Variants in ADAM28 observed in about 807,000 individuals in gnomAD.
ADAM28 encodes disintegrin and metalloproteinase domain-containing protein 28.
A neutral mutation model predicts 101.2 loss-of-function variants in ADAM28; 105 were observed. That is an observed-to-expected ratio of 1.04 (90% CI 0.89 to 1.22). The LOEUF (loss-of-function observed/expected upper bound fraction) is 1.22. Among genes scored for constraint, ADAM28 ranks in the 50% most tolerant of loss-of-function variants. The pLI, the probability that ADAM28 is intolerant of heterozygous loss-of-function variation, is 0.00. For missense variants in ADAM28, 1,028 were observed against 945.4 expected (o/e 1.09, Z -1.15); for synonymous variants, 322 against 310.6 (o/e 1.04, Z -0.39).
rs774812161 is a variant in ADAM28, at chr8:24,326,609, TCTC to T, written c.949_951del (p.Pro317del). ...TCTTGCATTTATGTCTACAATGTGT[TCTC>T]CTTATTCTGTTGGCGTTGTTCAGGT... On this transcript the variant is annotated inframe_deletion, in exon 10 of 23. Transcript: ENST00000265769. The T allele has an allele frequency of 1.8e-5, 29 of 1,612,148 alleles. 3 individuals carry two copies. The South Asian group carries it at 2.7e-4, about 15-fold the overall frequency.
intron 13 of ADAM28, among the ~76,000 whole-genome samples, chr8:24,334,737 C>T (rs1284206738): frequency 6.6e-6 from 1 of 152,154 alleles, no homozygotes; most frequent in Non-Finnish European, 1.5e-5. Context: ...AACATACCTG[C>T]TCCTGTTAGG....
intron 15 of ADAM28, 35 bp from the exon 16 acceptor site, chr8:24,341,563 T>A: frequency 3.8e-6 from 6 of 1,598,684 alleles, no homozygotes; most frequent in Non-Finnish European, 5.1e-6. Flanking sequence ...AAACTGCAAT[T>A]TGAATCCTGC....
intron 6 of ADAM28, 70 bp downstream of exon 6, chr8:24,313,650 AT>A: frequency 6.7e-7 from 1 of 1,485,394 alleles, no homozygotes; most frequent in East Asian, 2.3e-5. Flanking sequence ...TAGCAGTGCA[AT>A]TTACTGAAAC....
Position 24,356,043 on chromosome 8 carries a change from C to T in ADAM28, c.*1639C>T, listed in dbSNP as rs988541336. On this transcript the variant is annotated 3_prime_UTR_variant, in exon 23 of 23. Transcript: ENST00000265769. ...CAGTATGAGGTTCTAGATAAGCCCA[C>T]TCTGGCCTCAAAAGTGAAGCTCAGT... 6.6e-6 allele frequency: 1 copy of T among 152,158 alleles called. No individual in the cohort carries two copies. Among genetic ancestry groups the T allele is most frequent in the Non-Finnish European group, 1.5e-5 (1 of 68,036 alleles). The allele number at this position is 152,158 out of a possible 1,614,324, so 9.4% of individuals were successfully genotyped here.
At chr8:24,348,655 G>T (rs1815707095) in intron 18 of ADAM28, among the ~76,000 whole-genome samples, 1 of 152,108 alleles carries the variant, frequency 6.6e-6, no homozygotes, top group Non-Finnish European at 1.5e-5. Flanking sequence ...TTAATGGGCA[G>T]GTTGATCTCA....
At chr8:24,335,680 GA>G in intron 14 of ADAM28, 39 bp downstream of exon 14, 1 of 1,512,398 alleles carries the variant, frequency 6.6e-7, no homozygotes. Flanking sequence ...ATGTGCGAAG[GA>G]AAATCATTTC....
rs1491133825 is a variant in ADAM28, at chr8:24,305,476, TTA to T, written c.151-4417_151-4416del. On this transcript the variant is annotated intron_variant, in intron 2 of 22. Coordinates refer to ENST00000265769, the MANE Select transcript of ADAM28 (RefSeq NM_014265.6). ...CTTTTTTTTTTTTTTTTTTTTTTTT[TTA>T]AAATATGTCTTTGCTATGTCTCTAC... Among the ~76,000 whole-genome samples the T allele has an allele frequency of 2.1e-5, 3 of 142,438 alleles. 1 individual carries two copies. Among genetic ancestry groups the T allele is most frequent in the African/African-American group, 8.5e-5 (3 of 35,488 alleles). The allele number at this position is 142,438 out of a possible 152,430, so 93.4% of individuals were successfully genotyped here. A position where few individuals can be genotyped will look rare whatever the true frequency, so the allele number is the denominator to read the frequency against.
chr8:24,342,888 A>T lies in ADAM28; in HGVS notation c.1831-213A>T. ...CAGTTGTTTGGATTTTTAAAAATAC[A>T]TAAATTCTTAGATAGACTTTATCAA... is the stretch of plus-strand genomic sequence containing the variant. On this transcript the variant is annotated intron_variant, in intron 16 of 22. Coordinates refer to ENST00000265769, the MANE Select transcript of ADAM28 (RefSeq NM_014265.6). The T allele has an allele frequency of 5.1e-6, 4 of 789,320 alleles. No homozygotes were observed. In the South Asian group the frequency reaches 1.0e-4, roughly 21 times the overall value. The allele number at this position is 789,320 out of a possible 1,614,324, so 48.9% of individuals were successfully genotyped here. A position where few individuals can be genotyped will look rare whatever the true frequency, so the allele number is the denominator to read the frequency against.
chr8:24,342,717 C>T (rs1231652498), intron 16 of ADAM28, among the ~76,000 whole-genome samples: 1 of 152,084 alleles, frequency 6.6e-6, no homozygotes, highest in Non-Finnish European at 1.5e-5. Flanking sequence ...CATGACCTGG[C>T]ATGGATGTTG....
At position 24,325,894 on chromosome 8, in the gene ADAM28, A is replaced by AAAAAAAC. The variant is rs1563297092; in HGVS notation, c.891-659_891-653dup. On this transcript the variant is annotated intron_variant, in intron 9 of 22. Coordinates refer to ENST00000265769, the MANE Select transcript of ADAM28 (RefSeq NM_014265.6). The stretch of plus-strand genomic sequence containing the variant: ...AGCAAAAAAAAAAAAAAAAAAAAAA[A>AAAAAAAC]AAAAAACCAAAAAACAAAAACTAAA... Among the ~76,000 whole-genome samples, 7 of 139,596 alleles carry AAAAAAAC rather than the reference A, an allele frequency of 5.0e-5. No homozygotes were observed. The East Asian group carries it at 6.9e-4, about 14-fold the overall frequency. The allele number at this position is 139,596 out of a possible 152,430, so 91.6% of individuals were successfully genotyped here.
intron 2 of ADAM28, among the ~76,000 whole-genome samples, chr8:24,307,180 T>A (rs974951539): frequency 5.3e-5 from 8 of 152,324 alleles, no homozygotes; most frequent in African/African-American, 1.9e-4. Flanking sequence ...AAATTCATAG[T>A]GCAGTTGACC....
intron 2 of ADAM28, among the ~76,000 whole-genome samples, chr8:24,306,051 A>C (rs1449815427): frequency 6.6e-6 from 1 of 152,072 alleles, no homozygotes; most frequent in Non-Finnish European, 1.5e-5. Flanking sequence ...TGAATTTCAG[A>C]CAAACAGTAA....
At chr8:24,294,556 G>C (rs1224032370) in intron 1 of ADAM28, among the ~76,000 whole-genome samples, 57 of 152,078 alleles carry the variant, frequency 3.7e-4, no homozygotes, top group Non-Finnish European at 1.5e-5. Flanking sequence ...TAAAGATGTG[G>C]CAGATTTATT....
chr8:24,345,416 A>G (rs180776549), intron 18 of ADAM28, among the ~76,000 whole-genome samples: 96 of 152,196 alleles, frequency 6.3e-4, no homozygotes, highest in Non-Finnish European at 4.4e-5. Flanking sequence ...AAGTTTTTCA[A>G]GATTATTCTC....
rs1554501738 is a variant in ADAM28 at position 24,294,070 on chromosome 8, C to T, written c.-80C>T. On this transcript the variant is annotated 5_prime_UTR_variant, in exon 1 of 23. Transcript: ENST00000265769. Reference sequence around the variant, plus strand: ...AACCAGGGAGTTTCATTCTGTCTCACTGGAGAGGAGGCAGGGACAGACCCA... The same window carrying T: ...AACCAGGGAGTTTCATTCTGTCTCATTGGAGAGGAGGCAGGGACAGACCCA... The T allele has an allele frequency of 1.4e-5, 20 of 1,466,198 alleles. No homozygotes were observed. In the South Asian group the frequency reaches 2.2e-4, roughly 16 times the overall value. 90.8% of individuals were successfully genotyped at this position (1,466,198 alleles called of 1,614,324 possible).
intron 14 of ADAM28, among the ~76,000 whole-genome samples, chr8:24,336,784 A>G (rs938498621): frequency 5.9e-5 from 9 of 151,974 alleles, no homozygotes; most frequent in Admixed American, 2.6e-4. Context: ...AGTTGAAAAA[A>G]AAAGGCAAGT....
chr8:24,336,580 C>CAAAAAAAAAAAAAAAA (rs769016133), intron 14 of ADAM28, among the ~76,000 whole-genome samples: 1 of 61,638 alleles, frequency 1.6e-5, no homozygotes, highest in Admixed American at 1.9e-4. Flanking sequence ...ACTCCGTCTC[C>CAAAAAAAAAAAAAAAA]AAAAAAAAAA....
chr8:24,294,781 A>G (rs937805172), intron 1 of ADAM28, among the ~76,000 whole-genome samples: 22 of 152,190 alleles, frequency 1.4e-4, no homozygotes, highest in Admixed American at 3.3e-4. Context: ...ATTTACTTCT[A>G]TTTTGCTGAT....
chr8:24,326,699 T>G (rs1304719276), intron 10 of ADAM28, 64 bp downstream of exon 10: 5 of 1,458,408 alleles, frequency 3.4e-6, no homozygotes, highest in Non-Finnish European at 4.7e-6. Context: ...TTAAAAAATC[T>G]ATAGAGAAGA....
Sources: allele counts gnomAD v4.1 joint callset (sites outside exome capture counted in the v4.1 genomes callset), GRCh38; gene constraint gnomAD v4.1.1; transcripts MANE v1.5; gene names NCBI Gene and HGNC (gene_info 2026-07-23, HGNC 2026-07-21).